The following LRBA variants were observed in gnomAD, a reference collection of about 807,000 sequenced individuals.
LRBA encodes the protein LPS responsive beige-like anchor protein.
LRBA carries 176 observed loss-of-function variants against 330.0 expected under a neutral mutation model. The observed-to-expected ratio is 0.53, with a 90% CI of 0.47 to 0.60. LRBA has a LOEUF of 0.60. Among genes scored for constraint, LRBA ranks in the 20% least tolerant of loss-of-function variants. The pLI is 0.00. For missense variants in LRBA, 3,259 were observed against 3,444.8 expected (o/e 0.95, Z 1.35); for synonymous variants, 1,230 against 1,193.0 (o/e 1.03, Z -0.64).
rs1148648 is a variant in LRBA, at chr4:150,900,357, C to T, written c.1756-140G>A. ...GCCTGATAATAATATCCATATTAGACAACACATACTCACTGACACACAAGC... is the reference window on the plus strand; with the variant it reads ...GCCTGATAATAATATCCATATTAGATAACACATACTCACTGACACACAAGC... On this transcript the variant is annotated intron_variant, in intron 13 of 56. Transcript: ENST00000651943. The T allele has an allele frequency of 0.98, 536,598 of 544,948 alleles. 264,626 individuals carry two copies. The highest frequency in any genetic ancestry group is 1 in the East Asian group (34,758 of 34,774). 33.8% of individuals were successfully genotyped at this position (544,948 alleles called of 1,614,324 possible).
At chr4:150,391,814 TG>T (rs921146406) in intron 47 of LRBA, among the ~76,000 whole-genome samples, 3 of 152,082 alleles carry the variant, frequency 2.0e-5, no homozygotes, top group African/African-American at 7.2e-5. Flanking sequence ...TTCTTCCTCT[TG>T]AGTGCCACTT....
At chr4:151,014,145 C>T (rs950844648) in intron 2 of LRBA, 4 of 284,448 alleles carry the variant, frequency 1.4e-5, no homozygotes, top group African/African-American at 2.2e-5. Context: ...AGAGATAACT[C>T]CTCCGCTAGA....
chr4:150,392,547 C>T (rs1744135085), intron 47 of LRBA, among the ~76,000 whole-genome samples: 1 of 152,144 alleles, frequency 6.6e-6, no homozygotes, highest in Non-Finnish European at 1.5e-5. Context: ...AGGGCTTCAA[C>T]ATATAAATTT....
At position 150,559,567 on chromosome 4, in the gene LRBA, A is replaced by G. The variant is rs1338098603; in HGVS notation, c.6330+28481T>C. Reference sequence around the variant, plus strand: ...TAAGATAAATATATATATTTATATAAATATATAAATATATAAATATTTATA... The same window carrying G: ...TAAGATAAATATATATATTTATATAGATATATAAATATATAAATATTTATA... On this transcript the variant is annotated intron_variant, in intron 40 of 56. Coordinates refer to ENST00000651943, the MANE Select transcript of LRBA (RefSeq NM_001364905.1). Among the ~76,000 whole-genome samples the G allele has an allele frequency of 1.7e-4, 20 of 120,550 alleles. No homozygotes were observed. In the South Asian group the frequency reaches 4.3e-3, roughly 26 times the overall value. The allele number at this position is 120,550 out of a possible 152,430, so 79.1% of individuals were successfully genotyped here.
intron 47 of LRBA, among the ~76,000 whole-genome samples, chr4:150,408,177 A>G (rs1672608167): frequency 5.3e-5 from 8 of 152,082 alleles, no homozygotes; most frequent in Admixed American, 5.2e-4. Flanking sequence ...AAAAAAAGAT[A>G]ACACCAATTA....
chr4:150,430,424 T>C (rs1750222874), intron 46 of LRBA, among the ~76,000 whole-genome samples: 1 of 152,142 alleles, frequency 6.6e-6, no homozygotes, highest in South Asian at 2.1e-4. Context: ...CCCCTCATGA[T>C]TGGTCCTGAA....
chr4:150,340,896 G>A (rs1735442900), intron 48 of LRBA, among the ~76,000 whole-genome samples: 2 of 152,160 alleles, frequency 1.3e-5, no homozygotes, highest in African/African-American at 2.4e-5. Flanking sequence ...GATCAGGGAG[G>A]TATGCAGGGC....
chr4:150,350,098 T>G lies in LRBA; in HGVS notation c.7256A>C (p.Tyr2419Ser), dbSNP rs376374926. The stretch of plus-strand genomic sequence containing the variant: ...GACAGCTTCTGGTCCTTGCTGTTTA[T>G]AGCCAAAAATGAGATCAATCCATTG... ...LHQWIDLIFG[Y>S]KQQGPEAVRA... The change falls in exon 48 of 57, where the codon TAT becomes TCT. Residue 2419 changes from tyrosine (Y) to serine (S), a missense_variant. Coordinates refer to ENST00000651943, the MANE Select transcript of LRBA (RefSeq NM_001364905.1). 8.1e-6 allele frequency: 13 copies of G among 1,606,764 alleles called. No homozygotes were observed. The highest frequency in any genetic ancestry group is 1.3e-5 in the African/African-American group (1 of 74,246).
At chr4:150,804,362 A>T (rs558466683) in intron 33 of LRBA, among the ~76,000 whole-genome samples, 3 of 152,336 alleles carry the variant, frequency 2.0e-5, no homozygotes, top group African/African-American at 7.2e-5. Context: ...TCTATAGAAG[A>T]GATGAAATTC....
chr4:150,571,533 GTA>G (rs1290112683), intron 40 of LRBA, among the ~76,000 whole-genome samples: 1 of 150,842 alleles, frequency 6.6e-6, no homozygotes, highest in African/African-American at 2.4e-5. Flanking sequence ...TTTCAAATTT[GTA>G]TTCTCCATTT....
chr4:150,425,326 A>G (rs747630940), intron 46 of LRBA, among the ~76,000 whole-genome samples: 14 of 152,370 alleles, frequency 9.2e-5, no homozygotes, highest in South Asian at 2.1e-4. Context: ...ACACTGACAG[A>G]AGACAGATAC....
Position 150,285,927 on chromosome 4 carries a change from G to T in LRBA, c.8119+6C>A. The T allele has an allele frequency of 6.5e-7, 1 of 1,543,872 alleles. No individual in the cohort carries two copies. Among genetic ancestry groups the T allele is most frequent in the Middle Eastern group, 1.7e-4 (1 of 5,926 alleles). On this transcript the variant is annotated splice_donor_region_variant and intron_variant, in intron 54 of 56. Coordinates refer to ENST00000651943, the MANE Select transcript of LRBA (RefSeq NM_001364905.1). ...CATCCATTTTGTGAAGGTACCACAG[G>T]TTTACCTTGTGAACCACTCAACACC... is the stretch of plus-strand genomic sequence containing the variant.
chr4:150,908,714 A>G lies in LRBA; in HGVS notation c.1305T>C (p.Ser435=). 6.2e-7 allele frequency: 1 copy of G among 1,614,000 alleles called. No homozygotes were observed. The highest frequency in any genetic ancestry group is 8.5e-7 in the Non-Finnish European group (1 of 1,179,904). The change falls in exon 10 of 57, where the codon TCT becomes TCC. Residue 435 remains serine (S), a synonymous_variant. Transcript: ENST00000651943. ...CAAAAATTGAAGGGTTGTCCTTAGG[A>G]GATGATTCAAGACAAAGCTGGGCAT... ...ATDAQLCLES[S]PKDNPSIFVH...
chr4:150,759,374 A>G lies in LRBA; in HGVS notation c.5645+2409T>C, dbSNP rs142488739. 9.1e-3 allele frequency among the ~76,000 whole-genome samples: 1,382 copies of G among 152,148 alleles called. 89 individuals are homozygous for G. The highest frequency in any genetic ancestry group is 6.0e-3 in the East Asian group (31 of 5,178). ...TTACTTCCTATTTCATTCTACTTTA[A>G]TCACTCTTTTCTTGCTATATTGGCC... On this transcript the variant is annotated intron_variant, in intron 35 of 56. Coordinates refer to ENST00000651943, the MANE Select transcript of LRBA (RefSeq NM_001364905.1).
At chr4:150,394,098 T>A (rs1483483148) in intron 47 of LRBA, among the ~76,000 whole-genome samples, 1 of 152,208 alleles carries the variant, frequency 6.6e-6, no homozygotes, top group Non-Finnish European at 1.5e-5. Context: ...TTCTTTTACA[T>A]AACAATTTCT....
chr4:150,304,633 T>G (rs1730124578), intron 52 of LRBA, among the ~76,000 whole-genome samples: 4 of 152,088 alleles, frequency 2.6e-5, no homozygotes. Context: ...AAAAATAAGC[T>G]TATATCAATA....
chr4:150,613,126 A>T lies in LRBA; in HGVS notation c.5922-13995T>A, dbSNP rs190633025. Among the ~76,000 whole-genome samples the T allele has an allele frequency of 7.9e-5, 12 of 152,314 alleles. No individual in the cohort carries two copies. In the East Asian group the frequency reaches 2.1e-3, roughly 27 times the overall value. On this transcript the variant is annotated intron_variant, in intron 37 of 56. Transcript: ENST00000651943. ...TCAGGAATGAAAAACTAATAAGCTT[A>T]TATTTCACTCATTTACTCACTTGTT...
intron 47 of LRBA, among the ~76,000 whole-genome samples, chr4:150,397,020 G>A (rs758880609): frequency 5.9e-5 from 9 of 151,994 alleles, no homozygotes; most frequent in Non-Finnish European, 1.2e-4. Flanking sequence ...GAAAAGCAAC[G>A]GAAAGAGAAA....
chr4:150,444,773 G>A (rs576247849), intron 44 of LRBA, among the ~76,000 whole-genome samples: 9 of 152,140 alleles, frequency 5.9e-5, no homozygotes, highest in African/African-American at 1.7e-4. Context: ...ACACATCTTG[G>A]GGAAAAGAAA....
Sources: allele counts gnomAD v4.1 joint callset (sites outside exome capture counted in the v4.1 genomes callset), GRCh38; gene constraint gnomAD v4.1.1; transcripts MANE v1.5; gene names NCBI Gene and HGNC (gene_info 2026-07-23, HGNC 2026-07-21).